The following KDM3A variants were observed in gnomAD, a reference collection of about 807,000 sequenced individuals.
KDM3A encodes lysine-specific demethylase 3A.
In KDM3A, 60 loss-of-function variants were observed where a neutral mutation model predicts 158.0. The observed-to-expected ratio is 0.38, with a 90% CI of 0.31 to 0.47. The LOEUF (loss-of-function observed/expected upper bound fraction) is 0.47. Among genes scored for constraint, KDM3A ranks in the 20% least tolerant of loss-of-function variants. The pLI, the probability that KDM3A is intolerant of heterozygous loss-of-function variation, is 0.99. For missense variants in KDM3A, 1,319 were observed against 1,574.3 expected (o/e 0.84, Z 2.74); for synonymous variants, 608 against 549.3 (o/e 1.11, Z -1.49).
upstream of KDM3A, among the ~76,000 whole-genome samples, chr2:86,439,807 A>G (rs1231813802): frequency 6.6e-6 from 1 of 152,102 alleles, no homozygotes; most frequent in East Asian, 1.9e-4. Context: ...CTTTAATATA[A>G]AATCCTTTCT....
At chr2:86,491,888 C>A (rs1674473504) in intron 25 of KDM3A, 151 bp from the exon 26 acceptor site, 2 of 606,384 alleles carry the variant, frequency 3.3e-6, no homozygotes, top group South Asian at 4.0e-5. Flanking sequence ...CTGAAGGAGC[C>A]CAGGGACCTT....
chr2:86,482,566 A>G lies in KDM3A; in HGVS notation c.2794A>G (p.Ile932Val), dbSNP rs1272978122. The G allele has an allele frequency of 1.9e-6, 3 of 1,614,112 alleles. No individual in the cohort carries two copies. The highest frequency in any genetic ancestry group is 4.5e-5 in the East Asian group (2 of 44,880). ...DLSKRPQGLTIKPSILGFDTP... is the reference protein window; with the variant it reads ...DLSKRPQGLTVKPSILGFDTP... ...ATCTAAGAGGCCTCAAGGACTAACC[A>G]TCAAGCCCAGCATTCTGGGCTTTGA... Residue 932 changes from isoleucine (I) to valine (V), a missense_variant, in exon 18 of 26, where the codon ATC becomes GTC. By Grantham distance (29) the Ile-to-Val change is conservative. Around this residue, in one of 4 missense-constraint regions of KDM3A, gnomAD observed 368 missense variants for 415.8 expected, o/e 0.89. Coordinates refer to ENST00000312912, the MANE Select transcript of KDM3A (RefSeq NM_018433.6).
intron 8 of KDM3A, among the ~76,000 whole-genome samples, chr2:86,460,154 AAATGT>A (rs1372772981): frequency 6.6e-6 from 1 of 152,214 alleles, no homozygotes; most frequent in Non-Finnish European, 1.5e-5. Flanking sequence ...GAAATACTTC[AAATGT>A]AATGTAAGGA....
In KDM3A at chr2:86,449,508, C is replaced by T. The variant is rs17027260; in HGVS notation, c.187-299C>T. Among the ~76,000 whole-genome samples, 1,454 of 152,188 alleles carry T rather than the reference C, an allele frequency of 9.6e-3. 18 individuals carry two copies. Among genetic ancestry groups the T allele is most frequent in the African/African-American group, 0.025 (1,029 of 41,498 alleles). ...CAGATGTCTAATTAATGTATGTAAA[C>T]GCCTGATAAGTAGGGGTTGTTTGGT... On this transcript the variant is annotated intron_variant, in intron 2 of 25. Transcript: ENST00000312912.
chr2:86,472,163 C>T (rs1312517040), intron 11 of KDM3A, among the ~76,000 whole-genome samples: 2 of 148,688 alleles, frequency 1.3e-5, no homozygotes, highest in Non-Finnish European at 3.0e-5. Flanking sequence ...ATGATTAGAG[C>T]TTTTTTTTTT....
chr2:86,463,580 A>T (rs1375071562), intron 8 of KDM3A, among the ~76,000 whole-genome samples: 1 of 152,210 alleles, frequency 6.6e-6, no homozygotes, highest in Non-Finnish European at 1.5e-5. Context: ...TTGCATTGCA[A>T]AGGCTTATCT....
In KDM3A at chr2:86,449,812, T is replaced by A. The variant is rs779124503; in HGVS notation, c.192T>A (p.Cys64Ter). The change falls in exon 3 of 26, where the codon TGT becomes TGA. Residue 64 changes from cysteine (C) to a stop codon, truncating the protein, a stop_gained. Coordinates refer to ENST00000312912, the MANE Select transcript of KDM3A (RefSeq NM_018433.6). LOFTEE classifies it high-confidence loss of function. ...TDVTKKDLKVCVEFDGESWRK... is the reference protein window; with the variant it reads ...TDVTKKDLKV ...CCCCAATTTTGTCTGTCTAGGTGTG[T>A]GTGGAATTTGATGGGGAATCTTGGA... The A allele has an allele frequency of 6.2e-7, 1 of 1,610,938 alleles. No individual in the cohort carries two copies. Among genetic ancestry groups the A allele is most frequent in the Non-Finnish European group, 8.5e-7 (1 of 1,178,752 alleles).
chr2:86,470,251 C>T lies in KDM3A; in HGVS notation c.1567C>T (p.Leu523=), dbSNP rs145137870. 8.7e-6 allele frequency: 14 copies of T among 1,614,010 alleles called. No homozygotes were observed. The African/African-American group carries it at 1.3e-4, about 15-fold the overall frequency. The part of the protein sequence containing the change: ...VLTDPAKLKK[L]QQSGEAFVQD... ...GACAGACCCAGCTAAACTCAAAAAG[C>T]TGCAACAGAGTGGCGAGGCCTTCGT... Residue 523 remains leucine (L), a synonymous_variant, in exon 11 of 26, where the codon CTG becomes TTG. Coordinates refer to ENST00000312912, the MANE Select transcript of KDM3A (RefSeq NM_018433.6).
intron 8 of KDM3A, among the ~76,000 whole-genome samples, chr2:86,461,899 TGGG>T (rs927776756): frequency 2.0e-5 from 3 of 151,182 alleles, no homozygotes; most frequent in Admixed American, 6.6e-5. Context: ...GTGAAAGAGA[TGGG>T]GGGAGGAGGA....
Position 86,442,005 on chromosome 2 carries a change from T to G in KDM3A, c.-30-13T>G, listed in dbSNP as rs1334677583. On this transcript the variant is annotated splice_polypyrimidine_tract_variant and intron_variant, in intron 1 of 25. Transcript: ENST00000312912. ...GGCCGCCCCCGTCGCATTTTGTTTT[T>G]GTGTTTTTGCAGGGAGGAGCTCTTC... 2 of 1,608,752 alleles carry G rather than the reference T, an allele frequency of 1.2e-6. No individual in the cohort carries two copies. Among genetic ancestry groups the G allele is most frequent in the South Asian group, 2.2e-5 (2 of 90,864 alleles).
chr2:86,489,850 C>G (rs1437968031), intron 23 of KDM3A, 191 bp downstream of exon 23: 2 of 491,436 alleles, frequency 4.1e-6, no homozygotes, highest in Non-Finnish European at 6.9e-6. Flanking sequence ...GGTTACACTT[C>G]TAAAAAAAGC....
At chr2:86,481,749 G>A (rs554427353) in intron 16 of KDM3A, among the ~76,000 whole-genome samples, 181 bp from the exon 17 acceptor site, 1 of 152,168 alleles carries the variant, frequency 6.6e-6, no homozygotes, top group East Asian at 1.9e-4. Context: ...GATAGTTATT[G>A]TTTTTAACAT....
rs1340212819 is a variant in KDM3A, at chr2:86,478,732, A to C, written c.2313A>C (p.Lys771Asn). ...AGCCAGCCTCAAAGGAAGACCTAAA[A>C]CAGGTATTTACTGCTTATGTTAAAT... ...FSKPASKEDL[K>N]QTSLAGEKPT... Residue 771 changes from lysine to asparagine, a missense_variant, in exon 15 of 26, where the codon AAA becomes AAC. Transcript: ENST00000312912. The C allele has an allele frequency of 6.2e-7, 1 of 1,612,754 alleles. No homozygotes were observed. The highest frequency in any genetic ancestry group is 8.5e-7 in the Non-Finnish European group (1 of 1,179,474).
chr2:86,475,627 G>A (rs917398166), intron 12 of KDM3A, among the ~76,000 whole-genome samples: 1 of 152,142 alleles, frequency 6.6e-6, no homozygotes, highest in Non-Finnish European at 1.5e-5. Context: ...TTTGGAGGAC[G>A]GTGCAGCGTC....
intron 8 of KDM3A, 87 bp downstream of exon 8, chr2:86,457,158 T>G: frequency 2.1e-6 from 1 of 471,076 alleles, no homozygotes. Context: ...TTTATTTAAT[T>G]ATTTTTATTT....
chr2:86,440,297 T>C (rs182694372), upstream of KDM3A, among the ~76,000 whole-genome samples: 48 of 152,382 alleles, frequency 3.1e-4, no homozygotes, highest in African/African-American at 1.1e-3. Flanking sequence ...AAACATTCTC[T>C]GATTATACGT....
At chr2:86,468,884 C>G (rs1673276957) in intron 10 of KDM3A, among the ~76,000 whole-genome samples, 1 of 152,156 alleles carries the variant, frequency 6.6e-6, no homozygotes, top group Non-Finnish European at 1.5e-5. Context: ...CAGTAAAGAG[C>G]TAGATTTAGA....
chr2:86,487,755 C>T (rs1220082647), intron 21 of KDM3A: 1 of 152,228 alleles, frequency 6.6e-6, no homozygotes, highest in Non-Finnish European at 1.5e-5. Context: ...CACTCCTTTC[C>T]CTTTGACCAT....
chr2:86,449,773 C>T (rs567897730), intron 2 of KDM3A, 34 bp from the exon 3 acceptor site: 3 of 1,567,240 alleles, frequency 1.9e-6, no homozygotes, highest in African/African-American at 1.4e-5. Flanking sequence ...TAAATTGAAT[C>T]TGCTTCCCCC....
Sources: gnomAD v4.1 joint callset for allele counts (sites outside exome capture counted in the v4.1 genomes callset) on GRCh38, gnomAD v4.1.1 for gene constraint, gnomAD v4.1.1 regional missense constraint, MANE v1.5 for transcripts, NCBI Gene and HGNC (gene_info 2026-07-23, HGNC 2026-07-21) for gene names.